Variants in BNC2 observed in about 807,000 individuals in gnomAD.
BNC2 encodes zinc finger protein basonuclin-2.
BNC2 carries 20 observed loss-of-function variants against 76.3 expected under a neutral mutation model. The ratio of observed to expected loss-of-function variants is 0.26; its 90% CI spans 0.18 to 0.38. The LOEUF (loss-of-function observed/expected upper bound fraction) is 0.38, where lower values mean the gene tolerates loss of function less well. BNC2 is among the 10% of genes least tolerant of loss of function. The pLI is 1.00. For synonymous variants in BNC2, 582 were observed against 514.8 expected, an observed-to-expected ratio of 1.13 and a Z score of -1.77; for missense variants, 1,382 against 1,399.8, an observed-to-expected ratio of 0.99 and a Z score of 0.20.
intron 3 of BNC2, among the ~76,000 whole-genome samples, chr9:16,587,510 C>T (rs998657239): frequency 1.3e-5 from 2 of 152,118 alleles, no homozygotes; most frequent in African/African-American, 4.8e-5. Flanking sequence ...ACCATAATTC[C>T]AGTCTTTTTT....
chr9:16,442,540 T>C (rs1275400909), intron 5 of BNC2, among the ~76,000 whole-genome samples: 1 of 152,194 alleles, frequency 6.6e-6, no homozygotes, highest in African/African-American at 2.4e-5. Flanking sequence ...TAAGGTTGAT[T>C]GGTTTCCCTT....
At chr9:16,462,792 C>T (rs931633777) in intron 5 of BNC2, among the ~76,000 whole-genome samples, 2 of 151,982 alleles carry the variant, frequency 1.3e-5, no homozygotes, top group East Asian at 3.9e-4. Flanking sequence ...AAGAGATGCC[C>T]CTCCCTCTTT....
At chr9:16,455,793 C>A (rs1361675943) in intron 5 of BNC2, among the ~76,000 whole-genome samples, 72 of 141,598 alleles carry the variant, frequency 5.1e-4, no homozygotes, top group East Asian at 8.1e-4. Context: ...ACTCCATCTC[C>A]AAAAAAAAAA....
intron 3 of BNC2, among the ~76,000 whole-genome samples, chr9:16,644,744 C>T (rs1403104548): frequency 6.6e-6 from 1 of 152,212 alleles, no homozygotes; most frequent in Non-Finnish European, 1.5e-5. Context: ...ACATATCAAA[C>T]ATTGCACAGC....
intron 1 of BNC2, among the ~76,000 whole-genome samples, chr9:16,742,076 A>C (rs1412041402): frequency 6.6e-6 from 1 of 152,206 alleles, no homozygotes; most frequent in East Asian, 1.9e-4. Context: ...AAGAAAATAA[A>C]GTAAAACACT....
At chr9:16,593,877 T>C (rs1563854564) in intron 3 of BNC2, among the ~76,000 whole-genome samples, 2 of 152,100 alleles carry the variant, frequency 1.3e-5, no homozygotes, top group African/African-American at 4.8e-5. Flanking sequence ...CCTAACTTTA[T>C]AGAAGGAGGC....
At chr9:16,752,874 C>T (rs1355590646) in intron 1 of BNC2, among the ~76,000 whole-genome samples, 2 of 152,146 alleles carry the variant, frequency 1.3e-5, no homozygotes, top group Non-Finnish European at 2.9e-5. Flanking sequence ...GAAAATCTGA[C>T]ACTTAGGGTT....
chr9:16,774,501 G>C (rs1825911956), intron 1 of BNC2, among the ~76,000 whole-genome samples: 2 of 152,166 alleles, frequency 1.3e-5, no homozygotes, highest in African/African-American at 2.4e-5. Flanking sequence ...TGTAGCTCAG[G>C]CTTCGAAAGA....
chr9:16,501,792 T>G lies in BNC2; in HGVS notation c.669+50738A>C, dbSNP rs73417425. Among the ~76,000 whole-genome samples, 286 of 152,074 alleles carry G rather than the reference T, an allele frequency of 1.9e-3. 3 individuals carry two copies. The highest frequency in any genetic ancestry group is 6.7e-3 in the African/African-American group (278 of 41,488). On this transcript the variant is annotated intron_variant, in intron 5 of 6. Transcript: ENST00000380672. The stretch of plus-strand genomic sequence containing the variant: ...TTAAAAAAGCGAATGTAACCAACAC[T>G]CAAAGGAAGGTCAGGAAGCTAAGGT...
intron 3 of BNC2, among the ~76,000 whole-genome samples, chr9:16,696,373 T>C (rs1199899855): frequency 2.0e-5 from 3 of 152,220 alleles, no homozygotes; most frequent in Non-Finnish European, 4.4e-5. Flanking sequence ...TGATTTGGAC[T>C]TTCCTAACCT....
At chr9:16,483,125 G>T (rs1242435041) in intron 5 of BNC2, among the ~76,000 whole-genome samples, 3 of 152,232 alleles carry the variant, frequency 2.0e-5, no homozygotes, top group African/African-American at 7.2e-5. Flanking sequence ...GATTAATGAT[G>T]GTGTGATGGG....
Position 16,694,035 on chromosome 9 carries a change from T to C in BNC2, c.330+33762A>G, listed in dbSNP as rs187009307. Among the ~76,000 whole-genome samples the C allele has an allele frequency of 1.8e-3, 281 of 152,282 alleles. 2 individuals are homozygous for C. The highest frequency in any genetic ancestry group is 6.0e-3 in the African/African-American group (251 of 41,560). Reference sequence around the variant, plus strand: ...CCTTCAAGTAATCACCATCAAGCTATTGAATGCTTTATTTTGGGGGGAGGG... The same window carrying C: ...CCTTCAAGTAATCACCATCAAGCTACTGAATGCTTTATTTTGGGGGGAGGG... On this transcript the variant is annotated intron_variant, in intron 3 of 6. Coordinates refer to ENST00000380672, the MANE Select transcript of BNC2 (RefSeq NM_017637.6).
chr9:16,832,250 A>C, intron 1 of BNC2: 2 of 1,276,018 alleles, frequency 1.6e-6, no homozygotes, highest in East Asian at 1.1e-4. Flanking sequence ...ATACCAGTAG[A>C]AGAGAAAATC....
chr9:16,431,968 G>C (rs1430738776), intron 6 of BNC2, among the ~76,000 whole-genome samples: 1 of 152,170 alleles, frequency 6.6e-6, no homozygotes, highest in African/African-American at 2.4e-5. Flanking sequence ...TTCCTAACAG[G>C]CCATGGACCA....
At chr9:16,735,408 A>ACAC (rs1479308743) in intron 2 of BNC2, among the ~76,000 whole-genome samples, 6 of 147,104 alleles carry the variant, frequency 4.1e-5, no homozygotes, top group African/African-American at 1.5e-4. Context: ...AAAAAAAAAA[A>ACAC]AAAAAAAAAC....
At chr9:16,464,117 A>G (rs1821652887) in intron 5 of BNC2, among the ~76,000 whole-genome samples, 1 of 151,708 alleles carries the variant, frequency 6.6e-6, no homozygotes. Flanking sequence ...AAAAAAAGAA[A>G]GAAGACAAAT....
At chr9:16,693,374 A>G (rs1823240311) in intron 3 of BNC2, among the ~76,000 whole-genome samples, 1 of 152,136 alleles carries the variant, frequency 6.6e-6, no homozygotes, top group African/African-American at 2.4e-5. Context: ...GACAGACAAG[A>G]CCAATAGTCT....
chr9:16,532,046 T>A (rs1817992437), intron 5 of BNC2, among the ~76,000 whole-genome samples: 1 of 152,028 alleles, frequency 6.6e-6, no homozygotes, highest in African/African-American at 2.4e-5. Context: ...AAGTTCTTTT[T>A]TTTTTGGTAA....
At chr9:16,770,768 G>A (rs944650368) in intron 1 of BNC2, among the ~76,000 whole-genome samples, 1 of 152,256 alleles carries the variant, frequency 6.6e-6, no homozygotes, top group East Asian at 1.9e-4. Context: ...AGGGGCTGAG[G>A]TGGGAGAATC....
Sources: gnomAD v4.1 joint callset for allele counts (sites outside exome capture counted in the v4.1 genomes callset) on GRCh38, gnomAD v4.1.1 for gene constraint, MANE v1.5 for transcripts, NCBI Gene and HGNC (gene_info 2026-07-23, HGNC 2026-07-21) for gene names.